HP1BP3: variants seen among roughly 807,000 people sequenced by gnomAD.
The protein encoded by HP1BP3 is heterochromatin protein 1 binding protein 3.
A neutral mutation model predicts 62.5 loss-of-function variants in HP1BP3; 12 were observed. The ratio of observed to expected loss-of-function variants is 0.19; its 90% CI spans 0.12 to 0.31. The LOEUF is 0.31. Among genes scored for constraint, HP1BP3 ranks in the 10% least tolerant of loss-of-function variants. HP1BP3 has a pLI of 1.00. For synonymous variants in HP1BP3, 260 were observed against 237.8 expected, an observed-to-expected ratio of 1.09 and a Z score of -0.86; for missense variants, 502 against 651.8, an observed-to-expected ratio of 0.77 and a Z score of 2.50.
chr1:20,775,198 G>T (rs1361348984), intron 4 of HP1BP3, among the ~76,000 whole-genome samples: 1 of 152,162 alleles, frequency 6.6e-6, no homozygotes, highest in East Asian at 1.9e-4. Context: ...GGAAATGACA[G>T]GTCCATGTGT....
At position 20,744,761 on chromosome 1, in the gene HP1BP3, T is replaced by G. The variant is rs968771376; in HGVS notation, c.*36A>C. 6.5e-7 allele frequency: 1 copy of G among 1,538,294 alleles called. No homozygotes were observed. Among genetic ancestry groups the G allele is most frequent in the Non-Finnish European group, 8.8e-7 (1 of 1,138,398 alleles). On this transcript the variant is annotated 3_prime_UTR_variant, in exon 13 of 13. Transcript: ENST00000438032. ...ACACTGACCTTAGAAAATAAGATTT[T>G]GAATTTCATCATGATACCCTTTTTT...
At chr1:20,754,877 G>A (rs757874530) in intron 9 of HP1BP3, among the ~76,000 whole-genome samples, 10 of 152,078 alleles carry the variant, frequency 6.6e-5, no homozygotes, top group South Asian at 6.2e-4. Context: ...TAAAACGTAC[G>A]AGTAAATTTT....
chr1:20,785,104 G>T (rs2057762038), intron 1 of HP1BP3, among the ~76,000 whole-genome samples: 1 of 152,134 alleles, frequency 6.6e-6, no homozygotes, highest in Non-Finnish European at 1.5e-5. Context: ...TGTATTTTCT[G>T]TAGAGACAGG....
intron 10 of HP1BP3, among the ~76,000 whole-genome samples, chr1:20,748,716 C>T (rs939353545): frequency 4.0e-5 from 6 of 151,826 alleles, no homozygotes; most frequent in Admixed American, 2.0e-4. Flanking sequence ...GAGCCAAGAT[C>T]GCACCACTGC....
chr1:20,743,276 A>G lies in HP1BP3; in HGVS notation c.*1521T>C, dbSNP rs544965148. 7.2e-5 allele frequency: 11 copies of G among 152,766 alleles called. No homozygotes were observed. Among genetic ancestry groups the G allele is most frequent in the African/African-American group, 2.6e-4 (11 of 41,580 alleles). 9.5% of individuals were successfully genotyped at this position (152,766 alleles called of 1,614,324 possible). ...TCCACTTAACATTTCTACATTAGCA[A>G]TGATGTAACTCTCCAACATTTCCTT... On this transcript the variant is annotated 3_prime_UTR_variant, in exon 13 of 13. Transcript: ENST00000438032.
At chr1:20,779,728 A>C in intron 3 of HP1BP3, 84 bp downstream of exon 3, 1 of 848,776 alleles carries the variant, frequency 1.2e-6, no homozygotes, top group Non-Finnish European at 1.8e-6. Flanking sequence ...AAAAAAAAAC[A>C]ATTAAGTTCA....
In HP1BP3 at chr1:20,771,586, T is replaced by C. The variant is rs532140026; in HGVS notation, c.511-513A>G. Among the ~76,000 whole-genome samples, 4 of 152,304 alleles carry C rather than the reference T, an allele frequency of 2.6e-5. No homozygotes were observed. In the South Asian group the frequency reaches 6.2e-4, roughly 24 times the overall value. On this transcript the variant is annotated intron_variant, in intron 5 of 12. Coordinates refer to ENST00000438032, the MANE Select transcript of HP1BP3 (RefSeq NM_001372052.1). ...GATGGCAAAGTGCTGAAGGAGAGTTTTGGGTAATAGTGAAGGTGTTCTATT... is the reference window on the plus strand; with the variant it reads ...GATGGCAAAGTGCTGAAGGAGAGTTCTGGGTAATAGTGAAGGTGTTCTATT...
chr1:20,762,218 G>C (rs936582169), intron 8 of HP1BP3, among the ~76,000 whole-genome samples: 1 of 152,064 alleles, frequency 6.6e-6, no homozygotes, highest in Non-Finnish European at 1.5e-5. Context: ...AGTTTCAATG[G>C]AAAAAATTAC....
chr1:20,776,662 C>T lies in HP1BP3; in HGVS notation c.285G>A (p.Gln95=). 1 of 1,614,000 alleles carries T rather than the reference C, an allele frequency of 6.2e-7. No homozygotes were observed. Among genetic ancestry groups the T allele is most frequent in the African/African-American group, 1.3e-5 (1 of 75,052 alleles). The change falls in exon 4 of 13, where the codon CAG becomes CAA. Residue 95 remains glutamine (Q), a synonymous_variant. Transcript: ENST00000438032. ...CTTCATTCTCAGGTTCCCCCTTTGG[C>T]TGCTCTGCCTCACTCGAAGTAGCAG... The part of the protein sequence containing the change: ...TPPATSSEAE[Q]PKGEPENEEK...
intron 10 of HP1BP3, among the ~76,000 whole-genome samples, chr1:20,749,236 T>C (rs2055547478): frequency 6.8e-6 from 1 of 147,732 alleles, no homozygotes; most frequent in Admixed American, 6.7e-5. Flanking sequence ...GAATTCAGTT[T>C]TGATTATTTG....
At chr1:20,784,223 G>T (rs1250364949) in intron 1 of HP1BP3, among the ~76,000 whole-genome samples, 1 of 152,010 alleles carries the variant, frequency 6.6e-6, no homozygotes, top group Non-Finnish European at 1.5e-5. Context: ...ATCTGCCTCG[G>T]CCTCTCAACG....
intron 9 of HP1BP3, among the ~76,000 whole-genome samples, chr1:20,756,569 CA>C (rs992467159): frequency 6.6e-6 from 1 of 151,370 alleles, no homozygotes; most frequent in African/African-American, 2.4e-5. Context: ...AACACTGTCT[CA>C]AAAAAAAGGC....
chr1:20,766,974 A>AAACAAAC, intron 7 of HP1BP3, among the ~76,000 whole-genome samples: 1 of 143,906 alleles, frequency 6.9e-6, no homozygotes, highest in East Asian at 2.1e-4. Context: ...AACAAACAAA[A>AAACAAAC]AAACAGAGGA....
intron 3 of HP1BP3, among the ~76,000 whole-genome samples, chr1:20,777,877 G>A (rs1181468357): frequency 6.6e-6 from 1 of 152,202 alleles, no homozygotes; most frequent in East Asian, 1.9e-4. Context: ...TTCTAGAATT[G>A]TTTCCCATAT....
rs1186381605 is a variant in HP1BP3 at position 20,782,926 on chromosome 1, A to G, written c.-100-2386T>C. ...AAAAAAAGAAAAAAAAAAAAAAAAA[A>G]AGAAAGAAAAAACCCACACACACAA... On this transcript the variant is annotated intron_variant, in intron 1 of 12. Coordinates refer to ENST00000438032, the MANE Select transcript of HP1BP3 (RefSeq NM_001372052.1). Among the ~76,000 whole-genome samples the G allele has an allele frequency of 4.5e-5, 6 of 134,598 alleles. No individual in the cohort carries two copies. The South Asian group carries it at 7.6e-4, about 17-fold the overall frequency. The allele number at this position is 134,598 out of a possible 152,430, so 88.3% of individuals were successfully genotyped here. A position where few individuals can be genotyped will look rare whatever the true frequency, so the allele number is the denominator to read the frequency against.
At chr1:20,773,426 T>C (rs1269300315) in intron 5 of HP1BP3, 25 bp downstream of exon 5, 2 of 1,577,472 alleles carry the variant, frequency 1.3e-6, no homozygotes, top group East Asian at 2.3e-5. Flanking sequence ...AAATCTAAGA[T>C]GAATTGCTTG....
chr1:20,772,460 G>T (rs1188541959), intron 5 of HP1BP3, among the ~76,000 whole-genome samples: 3 of 151,360 alleles, frequency 2.0e-5, no homozygotes, highest in Admixed American at 6.5e-5. Context: ...AAAGAACAGA[G>T]ATTTCACTAC....
chr1:20,762,421 G>C (rs1570608311), intron 8 of HP1BP3, among the ~76,000 whole-genome samples: 3 of 152,062 alleles, frequency 2.0e-5, no homozygotes, highest in Non-Finnish European at 2.9e-5. Flanking sequence ...AAAAAAATGG[G>C]GGAAGATATG....
chr1:20,778,904 C>G (rs917827806), intron 3 of HP1BP3, among the ~76,000 whole-genome samples: 4 of 151,940 alleles, frequency 2.6e-5, no homozygotes, highest in African/African-American at 9.7e-5. Context: ...ATTCTTGTGC[C>G]TCAGCCTCCT....
Sources: gnomAD v4.1 joint callset for allele counts (sites outside exome capture counted in the v4.1 genomes callset) on GRCh38, gnomAD v4.1.1 for gene constraint, MANE v1.5 for transcripts, NCBI Gene and HGNC (gene_info 2026-07-23, HGNC 2026-07-21) for gene names.